The following SLC4A5 variants were observed in gnomAD, a reference collection of about 807,000 sequenced individuals.
SLC4A5 encodes the protein solute carrier family 4 member 5, also known as electrogenic sodium bicarbonate cotransporter 4.
In SLC4A5, 96 loss-of-function variants were observed where a neutral mutation model predicts 120.4. The observed-to-expected ratio is 0.80, with a 90% CI of 0.68 to 0.94. The LOEUF (loss-of-function observed/expected upper bound fraction) is 0.94. SLC4A5 is among the 40% of genes least tolerant of loss of function. The pLI, the probability that SLC4A5 is intolerant of heterozygous loss-of-function variation, is 0.00. For missense variants in SLC4A5, 1,259 were observed against 1,459.5 expected (o/e 0.86, Z 2.24); for synonymous variants, 550 against 571.1 (o/e 0.96, Z 0.53).
chr2:74,303,434 A>G (rs1293354357), intron 7 of SLC4A5, among the ~76,000 whole-genome samples: 1 of 152,168 alleles, frequency 6.6e-6, no homozygotes, highest in Non-Finnish European at 1.5e-5. Flanking sequence ...AGTGAGCTAT[A>G]TATAGTAGAA....
chr2:74,282,143 G>A (rs1387644517), intron 8 of SLC4A5, among the ~76,000 whole-genome samples: 2 of 152,196 alleles, frequency 1.3e-5, no homozygotes, highest in African/African-American at 2.4e-5. Flanking sequence ...GCCTGGAGGA[G>A]GGCCCAGCAA....
At chr2:74,235,848 A>G (rs536012630) in intron 21 of SLC4A5, among the ~76,000 whole-genome samples, 1 of 152,224 alleles carries the variant, frequency 6.6e-6, no homozygotes, top group African/African-American at 2.4e-5. Context: ...CCCATTCTGA[A>G]TCAATGTCCT....
intron 27 of SLC4A5, 165 bp from the exon 28 acceptor site, chr2:74,225,160 T>G (rs1479571896): frequency 3.0e-6 from 2 of 655,994 alleles, no homozygotes; most frequent in African/African-American, 1.8e-5. Context: ...TTATTCACTT[T>G]CCCTCCACCG....
In SLC4A5 at chr2:74,264,071, G is replaced by A. The variant is rs1671223940; in HGVS notation, c.715+76C>T. 5 of 1,525,858 alleles carry A rather than the reference G, an allele frequency of 3.3e-6. No individual in the cohort carries two copies. The Middle Eastern group carries it at 7.2e-4, about 220-fold the overall frequency. 94.5% of individuals were successfully genotyped at this position (1,525,858 alleles called of 1,614,324 possible). Reference sequence around the variant, plus strand: ...TTCTCCAGAAACTCCCAGCCCCTAAGGTGGGCTCACCCGGGTACCAGGGCC... The same window carrying A: ...TTCTCCAGAAACTCCCAGCCCCTAAAGTGGGCTCACCCGGGTACCAGGGCC... On this transcript the variant is annotated intron_variant, in intron 10 of 30. Transcript: ENST00000394019.
chr2:74,227,604 A>C, intron 26 of SLC4A5: 1 of 1,503,756 alleles, frequency 6.7e-7, no homozygotes, highest in Non-Finnish European at 9.2e-7. Context: ...ACATAGATTC[A>C]ATTATATGAG....
rs1673262265 is a variant in SLC4A5 at position 74,328,110 on chromosome 2, G to C, written c.-3+10C>G. 1 of 985,578 alleles carries C rather than the reference G, an allele frequency of 1.0e-6. No individual in the cohort carries two copies. Among genetic ancestry groups the C allele is most frequent in the African/African-American group, 1.7e-5 (1 of 57,216 alleles). The allele number at this position is 985,578 out of a possible 1,614,324, so 61.1% of individuals were successfully genotyped here. A position where few individuals can be genotyped will look rare whatever the true frequency, so the allele number is the denominator to read the frequency against. On this transcript the variant is annotated intron_variant, in intron 5 of 30. Transcript: ENST00000394019. The stretch of plus-strand genomic sequence containing the variant: ...TCTACTTTCTCTGAAGCTTCCAGCT[G>C]CAAACTTACCTTTGTGTTCTTAGCT...
intron 7 of SLC4A5, among the ~76,000 whole-genome samples, chr2:74,289,506 G>A (rs1383907553): frequency 6.6e-6 from 1 of 151,970 alleles, no homozygotes; most frequent in Non-Finnish European, 1.5e-5. Flanking sequence ...CTGTAGAGAC[G>A]AGGTTTCACC....
At chr2:74,262,558 G>A (rs558342903) in intron 10 of SLC4A5, among the ~76,000 whole-genome samples, 1 of 151,948 alleles carries the variant, frequency 6.6e-6, no homozygotes, top group Admixed American at 6.6e-5. Context: ...AAATAGCCAG[G>A]CATGGTGGTG....
At position 74,232,460 on chromosome 2, in the gene SLC4A5, C is replaced by A. The variant is rs779411454; in HGVS notation, c.2774+9G>T. The A allele has an allele frequency of 5.0e-6, 8 of 1,613,206 alleles. No homozygotes were observed. The African/African-American group carries it at 8.0e-5, about 16-fold the overall frequency. On this transcript the variant is annotated intron_variant, in intron 24 of 30. Transcript: ENST00000394019. ...CATTGGGTGATCCCTAGGCCCTGAC[C>A]CCTCCTACCTGACTCCCAGAAACTG...
At chr2:74,233,224 G>A (rs1161597962) in intron 23 of SLC4A5, among the ~76,000 whole-genome samples, 178 bp downstream of exon 23, 4 of 152,160 alleles carry the variant, frequency 2.6e-5, no homozygotes, top group African/African-American at 9.7e-5. Flanking sequence ...CAGCCCTGGT[G>A]GCCTTACCCA....
At chr2:74,322,140 G>A (rs1490988541) in intron 5 of SLC4A5, among the ~76,000 whole-genome samples, 1 of 151,236 alleles carries the variant, frequency 6.6e-6, no homozygotes, top group Non-Finnish European at 1.5e-5. Context: ...GGGTTCCTGA[G>A]AATATCACTG....
chr2:74,285,352 C>A (rs974505182), intron 8 of SLC4A5, among the ~76,000 whole-genome samples: 2 of 152,058 alleles, frequency 1.3e-5, no homozygotes, highest in African/African-American at 2.4e-5. Context: ...CAAATGGGGT[C>A]AAAAATACAG....
intron 4 of SLC4A5, among the ~76,000 whole-genome samples, chr2:74,331,847 T>C (rs1558918161): frequency 1.3e-5 from 2 of 152,216 alleles, no homozygotes; most frequent in African/African-American, 2.4e-5. Flanking sequence ...GCTTGGAGAA[T>C]TGGAGCACAT....
chr2:74,264,267 G>C (rs1239624086), exon 10 of SLC4A5: 1 of 1,614,180 alleles, frequency 6.2e-7, no homozygotes, highest in East Asian at 2.2e-5. Flanking sequence ...GGCCGCAGGA[G>C]ACCATCCTCA....
chr2:74,338,167 C>G (rs929649013), intron 3 of SLC4A5, among the ~76,000 whole-genome samples: 4 of 152,034 alleles, frequency 2.6e-5, no homozygotes, highest in Admixed American at 1.3e-4. Context: ...AATGGTGTGG[C>G]CCAGGTTTTG....
At chr2:74,277,438 A>G (rs1377569475) in intron 8 of SLC4A5, among the ~76,000 whole-genome samples, 2 of 151,674 alleles carry the variant, frequency 1.3e-5, no homozygotes, top group Non-Finnish European at 2.9e-5. Flanking sequence ...AATCCCAGCT[A>G]CTCGGGAGGC....
At chr2:74,306,108 C>T (rs572454606) in intron 6 of SLC4A5, among the ~76,000 whole-genome samples, 1 of 152,280 alleles carries the variant, frequency 6.6e-6, no homozygotes, top group East Asian at 1.9e-4. Flanking sequence ...AGGAGCATTG[C>T]CATCTTGTTG....
Position 74,255,706 on chromosome 2 carries a change from C to T in SLC4A5, c.1025+69G>A. The T allele has an allele frequency of 6.3e-7, 1 of 1,575,108 alleles. No homozygotes were observed. The highest frequency in any genetic ancestry group is 2.3e-5 in the East Asian group (1 of 44,360). On this transcript the variant is annotated intron_variant, in intron 13 of 30. Transcript: ENST00000394019. The surrounding 1 kb of genome is among the most constrained non-coding windows in gnomAD (Gnocchi z 4.0). Reference sequence around the variant, plus strand: ...TTGAGAACACTAACAGTCAACAGCACTGCTTGCTGACTGCACTGCTGACTG... The same window carrying T: ...TTGAGAACACTAACAGTCAACAGCATTGCTTGCTGACTGCACTGCTGACTG...
chr2:74,320,655 A>C (rs1673072975), intron 5 of SLC4A5, among the ~76,000 whole-genome samples: 1 of 152,154 alleles, frequency 6.6e-6, no homozygotes. Context: ...TGAAGGAGGA[A>C]CTCTAGCAAG....
Sources: gnomAD v4.1 joint callset for allele counts (sites outside exome capture counted in the v4.1 genomes callset) on GRCh38, gnomAD v4.1.1 for gene constraint, Gnocchi (gnomAD v3.1) non-coding constraint, MANE v1.5 for transcripts, NCBI Gene and HGNC (gene_info 2026-07-23, HGNC 2026-07-21) for gene names.